Variants in OR6N1 observed in about 807,000 individuals in gnomAD.
The protein encoded by OR6N1 is olfactory receptor 6N1.
For synonymous variants in OR6N1, 170 were observed against 150.7 expected (o/e 1.13, Z -0.94); for missense variants, 394 against 371.7 (o/e 1.06, Z -0.49).
chr1:158,807,222 G>A, the OR6N1 span, among the ~76,000 whole-genome samples: 7 of 152,026 alleles, frequency 4.6e-5, no homozygotes, highest in Non-Finnish European at 4.4e-5. Context: ...GTAAATATTG[G>A]GATGTTCTTC....
At chr1:158,834,639 T>A in the OR6N1 span, among the ~76,000 whole-genome samples, 1 of 152,220 alleles carries the variant, frequency 6.6e-6, no homozygotes, top group Non-Finnish European at 1.5e-5. Flanking sequence ...CTAATTTATC[T>A]ATTTTATTGT....
At position 158,765,069 on chromosome 1, in the gene OR6N1, A is replaced by T. The variant is rs921726194; in HGVS notation, c.*675T>A. ...GTGAAGTCTTCGCAGAATAAAATAA[A>T]TAAAAACAAGTCCTTATTTATTTAC... On this transcript the variant is annotated 3_prime_UTR_variant, in exon 2 of 2. Transcript: ENST00000641846. 6.6e-6 allele frequency: 1 copy of T among 152,188 alleles called. No individual in the cohort carries two copies. The allele number at this position is 152,188 out of a possible 1,614,324, so 9.4% of individuals were successfully genotyped here. A position where few individuals can be genotyped will look rare whatever the true frequency, so the allele number is the denominator to read the frequency against.
the OR6N1 span, among the ~76,000 whole-genome samples, chr1:158,778,152 A>G: frequency 5.9e-5 from 9 of 152,206 alleles, no homozygotes; most frequent in Non-Finnish European, 1.3e-4. Context: ...CTATTGTTCA[A>G]TTCACCTCTA....
the OR6N1 span, among the ~76,000 whole-genome samples, chr1:158,780,315 C>A: frequency 2.0e-5 from 3 of 152,060 alleles, no homozygotes; most frequent in African/African-American, 7.2e-5. Flanking sequence ...TAAGGCCTAG[C>A]AAACATAATA....
the OR6N1 span, among the ~76,000 whole-genome samples, chr1:158,787,513 G>T: frequency 1.3e-4 from 19 of 151,890 alleles, no homozygotes; most frequent in Non-Finnish European, 2.5e-4. Context: ...TTACAAAAAC[G>T]AACTATCTTG....
At chr1:158,822,711 G>A in the OR6N1 span, among the ~76,000 whole-genome samples, 1 of 152,114 alleles carries the variant, frequency 6.6e-6, no homozygotes, top group Non-Finnish European at 1.5e-5. Context: ...AGTTTCTCTT[G>A]CCCGATTGTT....
chr1:158,808,304 A>AT, the OR6N1 span: 4,689 of 150,844 alleles, frequency 0.031, 276 homozygotes, highest in African/African-American at 0.11. Context: ...AGCCTGGCTA[A>AT]TTTTTTTTGT....
the OR6N1 span, among the ~76,000 whole-genome samples, chr1:158,821,042 C>T: frequency 1.3e-5 from 2 of 152,200 alleles, no homozygotes; most frequent in Non-Finnish European, 2.9e-5. Context: ...AGGGCGATCA[C>T]TTTTGATCTC....
the OR6N1 span, among the ~76,000 whole-genome samples, chr1:158,783,608 A>G: frequency 6.6e-6 from 1 of 152,166 alleles, no homozygotes; most frequent in Non-Finnish European, 1.5e-5. Flanking sequence ...GCCTTATTCT[A>G]TTCATTGCAT....
chr1:158,801,859 T>C, the OR6N1 span, among the ~76,000 whole-genome samples: 1 of 152,178 alleles, frequency 6.6e-6, no homozygotes, highest in African/African-American at 2.4e-5. Flanking sequence ...TCTAATCTTT[T>C]CTGTACCACC....
the OR6N1 span, among the ~76,000 whole-genome samples, chr1:158,789,260 T>C: frequency 6.6e-6 from 1 of 152,208 alleles, no homozygotes; most frequent in Non-Finnish European, 1.5e-5. Context: ...ATGTACACTT[T>C]AGCTGATTCC....
chr1:158,773,590 T>C (rs1298117740), upstream of OR6N1, among the ~76,000 whole-genome samples: 1 of 152,204 alleles, frequency 6.6e-6, no homozygotes, highest in African/African-American at 2.4e-5. Context: ...TGAACTCTAG[T>C]TCTCTTTTTG....
the OR6N1 span, among the ~76,000 whole-genome samples, chr1:158,795,279 C>A: frequency 1.3e-5 from 2 of 152,180 alleles, no homozygotes; most frequent in Admixed American, 6.5e-5. Context: ...GAGTTCCAGG[C>A]AGCCTTCACT....
chr1:158,834,311 C>A, the OR6N1 span, among the ~76,000 whole-genome samples: 1 of 149,622 alleles, frequency 6.7e-6, no homozygotes, highest in South Asian at 2.1e-4. Flanking sequence ...CGACTCACTG[C>A]AAGCTCCGCC....
chr1:158,766,776 C>A, intron 1 of OR6N1, 76 bp from the exon 2 acceptor site: 1 of 851,700 alleles, frequency 1.2e-6, no homozygotes. Flanking sequence ...CCTCAAATTA[C>A]TATTGCCCTC....
At chr1:158,775,171 G>A (rs1001040670), upstream of OR6N1, 2 of 152,126 alleles carry the variant, frequency 1.3e-5, no homozygotes, top group Admixed American at 1.3e-4. Context: ...TACATATTTT[G>A]AAGAGAAGCA....
chr1:158,776,039 C>T (rs557578700), upstream of OR6N1: 3 of 151,812 alleles, frequency 2.0e-5, no homozygotes, highest in African/African-American at 4.9e-5. Context: ...TATTTAAATC[C>T]ATAAGAATAA....
the OR6N1 span, among the ~76,000 whole-genome samples, chr1:158,792,556 T>C: frequency 3.5e-4 from 53 of 152,360 alleles, no homozygotes; most frequent in African/African-American, 1.2e-3. Flanking sequence ...TTAGCATTTC[T>C]TGCAGGGCTA....
At chr1:158,789,943 T>A in the OR6N1 span, among the ~76,000 whole-genome samples, 1 of 152,240 alleles carries the variant, frequency 6.6e-6, no homozygotes, top group Non-Finnish European at 1.5e-5. Flanking sequence ...TCTCCAATGT[T>A]TTCTTCTGAT....
Sources: allele counts gnomAD v4.1 joint callset (sites outside exome capture counted in the v4.1 genomes callset), GRCh38; gene constraint gnomAD v4.1.1; transcripts MANE v1.5; gene names NCBI Gene and HGNC (gene_info 2026-07-23, HGNC 2026-07-21).